The following SLCO6A1 variants were observed in gnomAD, a reference collection of about 807,000 sequenced individuals.
SLCO6A1 encodes the protein cancer/testis antigen 48.
A neutral mutation model predicts 72.7 loss-of-function variants in SLCO6A1; 65 were observed. The ratio of observed to expected loss-of-function variants is 0.89; its 90% CI spans 0.73 to 1.10. The LOEUF is 1.10. Ranked by LOEUF, SLCO6A1 falls within the 50% of genes least tolerant of loss-of-function variation. The pLI, the probability that SLCO6A1 is intolerant of heterozygous loss-of-function variation, is 0.00. For missense variants in SLCO6A1, 874 were observed against 872.6 expected (o/e 1.00, Z -0.02); for synonymous variants, 314 against 298.2 (o/e 1.05, Z -0.55).
At chr5:102,454,940 A>T (rs1478871174) in intron 6 of SLCO6A1, among the ~76,000 whole-genome samples, 1 of 149,496 alleles carries the variant, frequency 6.7e-6, no homozygotes, top group Non-Finnish European at 1.5e-5. Context: ...ACAAGTAAAC[A>T]TATTTCTGAT....
chr5:102,458,352 G>C (rs1750847235), intron 6 of SLCO6A1, 30 bp downstream of exon 6: 1 of 1,493,476 alleles, frequency 6.7e-7, no homozygotes, highest in African/African-American at 1.4e-5. Context: ...CAACTTAGTT[G>C]GATTGTTCAA....
intron 8 of SLCO6A1, among the ~76,000 whole-genome samples, chr5:102,417,093 G>A (rs1465796457): frequency 6.6e-6 from 1 of 152,030 alleles, no homozygotes; most frequent in African/African-American, 2.4e-5. Flanking sequence ...TTATCATTAT[G>A]TAATGATCTT....
intron 1 of SLCO6A1, among the ~76,000 whole-genome samples, chr5:102,497,976 T>C (rs185160635): frequency 5.3e-5 from 8 of 152,232 alleles, no homozygotes; most frequent in African/African-American, 1.7e-4. Flanking sequence ...CTTCACTGGA[T>C]GGTTGAGCTG....
chr5:102,398,757 G>T (rs1030169536), intron 10 of SLCO6A1, among the ~76,000 whole-genome samples: 1 of 151,978 alleles, frequency 6.6e-6, no homozygotes, highest in Admixed American at 6.6e-5. Flanking sequence ...CTTTTTGCCA[G>T]GATATTTCAT....
intron 7 of SLCO6A1, among the ~76,000 whole-genome samples, chr5:102,427,002 CA>C (rs1228943354): frequency 6.6e-6 from 1 of 151,804 alleles, no homozygotes; most frequent in African/African-American, 2.4e-5. Flanking sequence ...TCATTCTCCA[CA>C]AACTAACACA....
intron 10 of SLCO6A1, among the ~76,000 whole-genome samples, chr5:102,393,908 G>C (rs1379580279): frequency 6.6e-6 from 1 of 152,102 alleles, no homozygotes; most frequent in Admixed American, 6.6e-5. Flanking sequence ...GCCCTTCACT[G>C]CTTCAGATTT....
Position 102,441,373 on chromosome 5 carries a change from C to T in SLCO6A1, c.1132-2612G>A, listed in dbSNP as rs185472071. Among the ~76,000 whole-genome samples, 846 of 152,204 alleles carry T rather than the reference C, an allele frequency of 5.6e-3. 1 individual carries two copies. Among genetic ancestry groups the T allele is most frequent in the Non-Finnish European group, 8.9e-3 (605 of 67,978 alleles). On this transcript the variant is annotated intron_variant, in intron 6 of 13. Coordinates refer to ENST00000506729, the MANE Select transcript of SLCO6A1 (RefSeq NM_173488.5). ...TGACTCTTTTATTACATAGCAAGTTCTTATGTGTAACATTTAGTCTGTTGC... is the reference window on the plus strand; with the variant it reads ...TGACTCTTTTATTACATAGCAAGTTTTTATGTGTAACATTTAGTCTGTTGC...
chr5:102,477,685 T>C lies in SLCO6A1; in HGVS notation c.793A>G (p.Ile265Val). The change falls in exon 3 of 14, where the codon ATC becomes GTC. Residue 265 changes from isoleucine to valine, a missense_variant. By Grantham distance (29) the Ile-to-Val change is conservative. Coordinates refer to ENST00000506729, the MANE Select transcript of SLCO6A1 (RefSeq NM_173488.5). ...AGGGGGTAAAACTTGCCTAAATAGA[T>C]ACCAGCTGAGTGTGTAGCAACATTC... ...DENVATHSAG[I>V]YLGIAECTSM... 1 of 1,611,170 alleles carries C rather than the reference T, an allele frequency of 6.2e-7. No individual in the cohort carries two copies. The highest frequency in any genetic ancestry group is 8.5e-7 in the Non-Finnish European group (1 of 1,178,952).
In SLCO6A1 at chr5:102,425,240, A is replaced by G. The variant is rs146519783; in HGVS notation, c.1277-5219T>C. Among the ~76,000 whole-genome samples, 633 of 152,282 alleles carry G rather than the reference A, an allele frequency of 4.2e-3. 9 individuals are homozygous for G. Among genetic ancestry groups the G allele is most frequent in the African/African-American group, 0.015 (607 of 41,570 alleles). ...AAGGATGCCCTCTCGCACCACTCCT[A>G]TGCAACATAGTATTGGAAATTCTGC... On this transcript the variant is annotated intron_variant, in intron 7 of 13. Coordinates refer to ENST00000506729, the MANE Select transcript of SLCO6A1 (RefSeq NM_173488.5).
chr5:102,486,149 C>T (rs910491765), intron 1 of SLCO6A1, among the ~76,000 whole-genome samples: 12 of 152,164 alleles, frequency 7.9e-5, no homozygotes, highest in Admixed American at 7.2e-4. Context: ...TACTTAAGTT[C>T]ATTCAATTCA....
At chr5:102,401,942 C>G (rs1747419589) in intron 9 of SLCO6A1, among the ~76,000 whole-genome samples, 1 of 151,768 alleles carries the variant, frequency 6.6e-6, no homozygotes, top group African/African-American at 2.4e-5. Flanking sequence ...TAGTTGTAGG[C>G]CATACAACCT....
chr5:102,453,564 T>C (rs1415571056), intron 6 of SLCO6A1, among the ~76,000 whole-genome samples: 1 of 152,136 alleles, frequency 6.6e-6, no homozygotes, highest in African/African-American at 2.4e-5. Flanking sequence ...AATAATACGT[T>C]GTAGCTTTTC....
intron 6 of SLCO6A1, among the ~76,000 whole-genome samples, chr5:102,455,669 C>T (rs1327760899): frequency 1.3e-5 from 2 of 152,050 alleles, no homozygotes; most frequent in African/African-American, 2.4e-5. Context: ...CATTAAATGC[C>T]TTATTTACTT....
At chr5:102,454,798 C>A (rs1750613624) in intron 6 of SLCO6A1, among the ~76,000 whole-genome samples, 1 of 150,970 alleles carries the variant, frequency 6.6e-6, no homozygotes, top group African/African-American at 2.4e-5. Flanking sequence ...AACTAATTGG[C>A]TTCTGTATAG....
At chr5:102,492,686 C>T (rs1338237730) in intron 1 of SLCO6A1, among the ~76,000 whole-genome samples, 1 of 152,140 alleles carries the variant, frequency 6.6e-6, no homozygotes, top group Admixed American at 6.5e-5. Context: ...TCACTCCCAC[C>T]CTAATACTGC....
At chr5:102,443,679 G>C (rs1317654022) in intron 6 of SLCO6A1, among the ~76,000 whole-genome samples, 1 of 152,188 alleles carries the variant, frequency 6.6e-6, no homozygotes, top group Non-Finnish European at 1.5e-5. Context: ...TATTCTGAAA[G>C]GGACTGTGAG....
intron 6 of SLCO6A1, among the ~76,000 whole-genome samples, chr5:102,448,145 G>A (rs1338246494): frequency 2.0e-5 from 3 of 152,176 alleles, no homozygotes; most frequent in East Asian, 3.8e-4. Flanking sequence ...AGTCACTCAG[G>A]AGCAGACTAT....
chr5:102,420,559 G>A (rs1250016313), intron 7 of SLCO6A1, among the ~76,000 whole-genome samples: 1 of 151,916 alleles, frequency 6.6e-6, no homozygotes, highest in Non-Finnish European at 1.5e-5. Flanking sequence ...ATTAGAAACA[G>A]GTAAGCAAAA....
chr5:102,399,364 T>C (rs1454553684), intron 10 of SLCO6A1, among the ~76,000 whole-genome samples, 191 bp downstream of exon 10: 1 of 152,156 alleles, frequency 6.6e-6, no homozygotes, highest in Non-Finnish European at 1.5e-5. Context: ...GATATTTACA[T>C]ACTCTATGCA....
Sources: allele counts gnomAD v4.1 joint callset (sites outside exome capture counted in the v4.1 genomes callset), GRCh38; gene constraint gnomAD v4.1.1; transcripts MANE v1.5; gene names NCBI Gene and HGNC (gene_info 2026-07-23, HGNC 2026-07-21).